BICC1: variants seen among roughly 807,000 people sequenced by gnomAD.
BICC1 encodes the protein protein bicaudal C homolog 1.
A neutral mutation model predicts 111.0 loss-of-function variants in BICC1; 43 were observed. The observed-to-expected ratio is 0.39, with a 90% CI of 0.30 to 0.50. BICC1 has a LOEUF of 0.50. BICC1 is among the 20% of genes least tolerant of loss of function. The pLI is 0.88. For synonymous variants in BICC1, 467 were observed against 434.4 expected (o/e 1.07, Z -0.93); for missense variants, 1,091 against 1,203.2 (o/e 0.91, Z 1.38).
intron 1 of BICC1, among the ~76,000 whole-genome samples, chr10:58,563,723 G>C (rs186687520): frequency 2.6e-5 from 4 of 152,176 alleles, no homozygotes; most frequent in African/African-American, 9.7e-5. Flanking sequence ...CAGAGACAAA[G>C]GGGTGTTTTA....
rs972742365 is a variant in BICC1, at chr10:58,578,727, G to A, written c.191-42128G>A. ...AATTGCGAGAGAGGCACAGGATCTC[G>A]TTACCCTATCCCCTCGCCCCTCATC... On this transcript the variant is annotated intron_variant, in intron 1 of 20. Transcript: ENST00000373886. 3.3e-5 allele frequency among the ~76,000 whole-genome samples: 5 copies of A among 152,216 alleles called. No homozygotes were observed. In the South Asian group the frequency reaches 8.3e-4, roughly 25 times the overall value.
At chr10:58,790,511 A>G (rs1033638250) in intron 8 of BICC1, among the ~76,000 whole-genome samples, 1 of 152,126 alleles carries the variant, frequency 6.6e-6, no homozygotes, top group Non-Finnish European at 1.5e-5. Flanking sequence ...TAATTGCAAT[A>G]TTTCTATCCT....
At chr10:58,680,232 C>T (rs765564712) in intron 2 of BICC1, among the ~76,000 whole-genome samples, 17 of 152,048 alleles carry the variant, frequency 1.1e-4, no homozygotes, top group Admixed American at 4.6e-4. Flanking sequence ...GAGGAAGTCA[C>T]GTTATTTCTG....
At chr10:58,553,540 A>G (rs1307279272) in intron 1 of BICC1, among the ~76,000 whole-genome samples, 1 of 152,120 alleles carries the variant, frequency 6.6e-6, no homozygotes, top group Non-Finnish European at 1.5e-5. Flanking sequence ...GACCTCTGAA[A>G]CTGTAAGACA....
intron 2 of BICC1, among the ~76,000 whole-genome samples, chr10:58,680,793 C>T (rs1334995829): frequency 6.6e-6 from 1 of 152,166 alleles, no homozygotes; most frequent in East Asian, 1.9e-4. Context: ...CTACAGTAAC[C>T]AAAACAGCAT....
intron 3 of BICC1, among the ~76,000 whole-genome samples, chr10:58,703,597 G>A (rs1371450149): frequency 1.3e-5 from 2 of 152,150 alleles, no homozygotes; most frequent in Non-Finnish European, 2.9e-5. Context: ...AAGTGGTGTA[G>A]AATATATTCT....
At position 58,789,953 on chromosome 10, in the gene BICC1, T is replaced by G; in HGVS notation, c.1047+20T>G. 6.2e-7 allele frequency: 1 copy of G among 1,612,020 alleles called. No homozygotes were observed. The highest frequency in any genetic ancestry group is 8.5e-7 in the Non-Finnish European group (1 of 1,178,824). On this transcript the variant is annotated intron_variant, in intron 8 of 20. Transcript: ENST00000373886. ...CTCATGGTAAGGTTACTGAAATAAG[T>G]GTTACAATTTTTTTAAACCTCTTTG...
At chr10:58,678,615 TAGAC>T (rs1194946114) in intron 2 of BICC1, among the ~76,000 whole-genome samples, 2 of 152,098 alleles carry the variant, frequency 1.3e-5, no homozygotes, top group Non-Finnish European at 2.9e-5. Flanking sequence ...CTGTCAGTAT[TAGAC>T]AGATCAACGA....
At chr10:58,542,227 C>T (rs1322080680) in intron 1 of BICC1, among the ~76,000 whole-genome samples, 1 of 149,324 alleles carries the variant, frequency 6.7e-6, no homozygotes. Flanking sequence ...AGAAATAAAT[C>T]CTCGCCTATA....
At chr10:58,566,157 T>TGTGTGTGTGTATATATACATATACACAC (rs1843749047) in intron 1 of BICC1, among the ~76,000 whole-genome samples, 3 of 151,212 alleles carry the variant, frequency 2.0e-5, no homozygotes, top group Non-Finnish European at 4.4e-5. Flanking sequence ...GATGTGTGTG[T>TGTGTGTGTGTATATATACATATACACAC]GTGTGTATAT....
chr10:58,823,962 A>C, intron 20 of BICC1: 3 of 985,420 alleles, frequency 3.0e-6, no homozygotes, highest in Non-Finnish European at 3.6e-6. Flanking sequence ...AACAACAGCC[A>C]TCTGTATGCA....
At chr10:58,620,164 C>G (rs984499173) in intron 1 of BICC1, among the ~76,000 whole-genome samples, 11 of 152,010 alleles carry the variant, frequency 7.2e-5, no homozygotes, top group Admixed American at 6.6e-4. Flanking sequence ...CAAATGAATA[C>G]AAAATGTTCA....
At chr10:58,645,614 C>G (rs558161922) in intron 2 of BICC1, among the ~76,000 whole-genome samples, 4 of 152,072 alleles carry the variant, frequency 2.6e-5, no homozygotes, top group Admixed American at 6.6e-5. Flanking sequence ...GATCCTGGCT[C>G]GCAGTGTAGT....
chr10:58,741,493 A>G (rs549213080), intron 3 of BICC1, among the ~76,000 whole-genome samples: 60 of 152,314 alleles, frequency 3.9e-4, no homozygotes, highest in Admixed American at 2.3e-3. Flanking sequence ...TATTTATATT[A>G]TTTCTCATAA....
Position 58,512,897 on chromosome 10 carries a change from G to T in BICC1, c.-247G>T, listed in dbSNP as rs1302580175. Among the ~76,000 whole-genome samples the T allele has an allele frequency of 6.8e-6, 1 of 147,456 alleles. No individual in the cohort carries two copies. Among genetic ancestry groups the T allele is most frequent in the East Asian group, 2.0e-4 (1 of 5,120 alleles). On this transcript the variant is annotated 5_prime_UTR_variant, in exon 1 of 21. Coordinates refer to ENST00000373886, the MANE Select transcript of BICC1 (RefSeq NM_001080512.3). ...ATTCCGCGCGGGCGTTGCTGGCGGGGGGCGGCGCAGCCACTGGACCCGGAC... is the reference window on the plus strand; with the variant it reads ...ATTCCGCGCGGGCGTTGCTGGCGGGTGGCGGCGCAGCCACTGGACCCGGAC...
chr10:58,704,733 A>G (rs1403037853), intron 3 of BICC1, among the ~76,000 whole-genome samples: 1 of 152,184 alleles, frequency 6.6e-6, no homozygotes, highest in African/African-American at 2.4e-5. Context: ...ATTACATTCT[A>G]AATCCCATGG....
intron 2 of BICC1, among the ~76,000 whole-genome samples, chr10:58,635,820 A>G (rs1363500235): frequency 1.3e-5 from 2 of 152,024 alleles, no homozygotes; most frequent in East Asian, 1.9e-4. Context: ...TATATCCCCA[A>G]CTAGAACGTC....
intron 20 of BICC1, among the ~76,000 whole-genome samples, chr10:58,825,678 G>A (rs1844373088): frequency 6.6e-6 from 1 of 152,180 alleles, no homozygotes; most frequent in South Asian, 2.1e-4. Context: ...TGAGCTCGAT[G>A]TTACAAGTAT....
intron 2 of BICC1, among the ~76,000 whole-genome samples, chr10:58,677,444 A>G (rs1289907240): frequency 6.6e-6 from 1 of 152,254 alleles, no homozygotes; most frequent in African/African-American, 2.4e-5. Context: ...GTTGGAAGAA[A>G]GGATATCGGA....
Sources: gnomAD v4.1 joint callset for allele counts (sites outside exome capture counted in the v4.1 genomes callset) on GRCh38, gnomAD v4.1.1 for gene constraint, MANE v1.5 for transcripts, NCBI Gene and HGNC (gene_info 2026-07-23, HGNC 2026-07-21) for gene names.